GALNT10: variants seen among roughly 807,000 people sequenced by gnomAD.
The protein encoded by GALNT10 is polypeptide N-acetylgalactosaminyltransferase 10.
A neutral mutation model predicts 75.0 loss-of-function variants in GALNT10; 41 were observed. The ratio of observed to expected loss-of-function variants is 0.55; its 90% CI spans 0.43 to 0.71. GALNT10 has a LOEUF of 0.71. Among genes scored for constraint, GALNT10 ranks in the 30% least tolerant of loss-of-function variants. The probability of loss-of-function intolerance (pLI) is 0.00; values close to 1 mark genes in which losing one functional copy is unlikely to be tolerated. For synonymous variants in GALNT10, 302 were observed against 313.0 expected, an observed-to-expected ratio of 0.96 and a Z score of 0.37; for missense variants, 727 against 818.5, an observed-to-expected ratio of 0.89 and a Z score of 1.36.
At chr5:154,257,539 C>T (rs1175646169) in intron 1 of GALNT10, among the ~76,000 whole-genome samples, 9 of 152,048 alleles carry the variant, frequency 5.9e-5, no homozygotes, top group Non-Finnish European at 1.0e-4. Flanking sequence ...AAAGATGGCA[C>T]GTGCCTATAA....
intron 1 of GALNT10, among the ~76,000 whole-genome samples, chr5:154,238,104 C>G (rs545949830): frequency 2.6e-5 from 4 of 152,264 alleles, no homozygotes; most frequent in African/African-American, 9.6e-5. Context: ...GCCCTTGAGG[C>G]ATTTGGGGTC....
intron 7 of GALNT10, among the ~76,000 whole-genome samples, chr5:154,398,505 C>T (rs1009172787): frequency 1.3e-5 from 2 of 152,128 alleles, no homozygotes; most frequent in Non-Finnish European, 2.9e-5. Context: ...ATACAGGGAC[C>T]CTGCCCCACC....
chr5:154,338,616 G>A (rs1236854467), intron 4 of GALNT10, among the ~76,000 whole-genome samples: 1 of 152,112 alleles, frequency 6.6e-6, no homozygotes, highest in Non-Finnish European at 1.5e-5. Flanking sequence ...ATTCCATAGT[G>A]GGAATCTACA....
At chr5:154,215,864 G>A (rs1752865479) in intron 1 of GALNT10, among the ~76,000 whole-genome samples, 1 of 152,188 alleles carries the variant, frequency 6.6e-6, no homozygotes, top group Non-Finnish European at 1.5e-5. Flanking sequence ...GGCAGAAGGA[G>A]GACTTGGCAG....
chr5:154,310,077 T>C (rs1411103187), intron 3 of GALNT10, among the ~76,000 whole-genome samples: 4 of 152,202 alleles, frequency 2.6e-5, no homozygotes, highest in Non-Finnish European at 4.4e-5. Flanking sequence ...ACCCTTTTTG[T>C]TGGGAATGAA....
rs1377017813 is a variant in GALNT10 at position 154,190,784 on chromosome 5, C to T, written c.-83C>T. On this transcript the variant is annotated 5_prime_UTR_variant, in exon 1 of 12. Coordinates refer to ENST00000297107, the MANE Select transcript of GALNT10 (RefSeq NM_198321.4). ...CCGCTTCTGCTGGCTGAGCTGCTGCCGCCGCCGGGCGGACGGGCGGACGCG... is the reference window on the plus strand; with the variant it reads ...CCGCTTCTGCTGGCTGAGCTGCTGCTGCCGCCGGGCGGACGGGCGGACGCG... The T allele has an allele frequency of 1.3e-5, 5 of 376,874 alleles. No individual in the cohort carries two copies. Among genetic ancestry groups the T allele is most frequent in the Admixed American group, 1.0e-4 (1 of 9,818 alleles). The allele number at this position is 376,874 out of a possible 1,614,324, so 23.3% of individuals were successfully genotyped here. A position where few individuals can be genotyped will look rare whatever the true frequency, so the allele number is the denominator to read the frequency against.
chr5:154,404,810 C>A (rs2113213065), intron 8 of GALNT10, among the ~76,000 whole-genome samples: 1 of 152,282 alleles, frequency 6.6e-6, no homozygotes, highest in Non-Finnish European at 1.5e-5. Flanking sequence ...GTGTCTTTCT[C>A]TTCTCCTCAC....
chr5:154,386,800 T>TC (rs1167154801), intron 7 of GALNT10: 1 of 442,724 alleles, frequency 2.3e-6, no homozygotes, highest in Non-Finnish European at 4.0e-6. Flanking sequence ...CCAAACAGGA[T>TC]ACGTAGGCCT....
At chr5:154,398,642 T>C (rs552261057) in intron 7 of GALNT10, among the ~76,000 whole-genome samples, 1 of 152,238 alleles carries the variant, frequency 6.6e-6, no homozygotes, top group Admixed American at 6.5e-5. Flanking sequence ...AATCAAGACA[T>C]GAAGCCCAAT....
At chr5:154,253,399 G>A (rs1020227639) in intron 1 of GALNT10, among the ~76,000 whole-genome samples, 8 of 128,914 alleles carry the variant, frequency 6.2e-5, no homozygotes, top group Non-Finnish European at 1.1e-4. Context: ...TTGTGGGGTG[G>A]GGGGAGGGGG....
chr5:154,314,529 G>A (rs990233207), intron 3 of GALNT10, among the ~76,000 whole-genome samples: 1 of 152,048 alleles, frequency 6.6e-6, no homozygotes, highest in African/African-American at 2.4e-5. Flanking sequence ...CTTCTGATTG[G>A]CCTTTCAGGT....
At position 154,314,020 on chromosome 5, in the gene GALNT10, G is replaced by T. The variant is rs184012713; in HGVS notation, c.402-15552G>T. Reference sequence around the variant, plus strand: ...AAGGGACTGTCCTTTTTGCAGAATAGAGAGGAGAAAATCCTAGAATTTTGA... The same window carrying T: ...AAGGGACTGTCCTTTTTGCAGAATATAGAGGAGAAAATCCTAGAATTTTGA... On this transcript the variant is annotated intron_variant, in intron 3 of 11. Coordinates refer to ENST00000297107, the MANE Select transcript of GALNT10 (RefSeq NM_198321.4). 4.0e-3 allele frequency among the ~76,000 whole-genome samples: 613 copies of T among 152,230 alleles called. 2 individuals are homozygous for T. The highest frequency in any genetic ancestry group is 7.0e-3 in the Non-Finnish European group (478 of 68,004).
chr5:154,270,929 G>C (rs1254429878), intron 1 of GALNT10, among the ~76,000 whole-genome samples: 2 of 149,696 alleles, frequency 1.3e-5, no homozygotes, highest in Non-Finnish European at 3.0e-5. Flanking sequence ...GTAAGGTAGA[G>C]GTTGTCGTGA....
chr5:154,229,374 T>C (rs569345497), intron 1 of GALNT10, among the ~76,000 whole-genome samples: 1 of 152,342 alleles, frequency 6.6e-6, no homozygotes, highest in African/African-American at 2.4e-5. Flanking sequence ...TTAGATTATT[T>C]AGTATAATTA....
intron 1 of GALNT10, among the ~76,000 whole-genome samples, chr5:154,208,625 G>A (rs1327608319): frequency 6.6e-6 from 1 of 152,172 alleles, no homozygotes; most frequent in Non-Finnish European, 1.5e-5. Flanking sequence ...GATACCCTTA[G>A]GATTACAGGT....
intron 1 of GALNT10, among the ~76,000 whole-genome samples, chr5:154,272,931 G>A (rs145671822): frequency 1.0e-4 from 9 of 87,518 alleles, no homozygotes; most frequent in Admixed American, 3.0e-4. Context: ...ACCTTGAATT[G>A]TGTACTCTAG....
intron 3 of GALNT10, among the ~76,000 whole-genome samples, chr5:154,328,076 C>G (rs7737733): frequency 0.016 from 1,547 of 99,736 alleles, 24 homozygotes; most frequent in South Asian, 0.046. Context: ...ACAAACAAAT[C>G]GAAGGGGAAA....
At chr5:154,223,969 A>G (rs1753024169) in intron 1 of GALNT10, among the ~76,000 whole-genome samples, 1 of 152,080 alleles carries the variant, frequency 6.6e-6, no homozygotes, top group African/African-American at 2.4e-5. Context: ...AATTGGAGGG[A>G]GCAGCATAAG....
intron 3 of GALNT10, among the ~76,000 whole-genome samples, chr5:154,325,531 G>A (rs1437856348): frequency 6.6e-6 from 1 of 151,728 alleles, no homozygotes; most frequent in Non-Finnish European, 1.5e-5. Context: ...CAAGTAGGAT[G>A]TTGCAGGAAT....
Sources: allele counts gnomAD v4.1 joint callset (sites outside exome capture counted in the v4.1 genomes callset), GRCh38; gene constraint gnomAD v4.1.1; transcripts MANE v1.5; gene names NCBI Gene and HGNC (gene_info 2026-07-23, HGNC 2026-07-21).